The following ARHGAP25 variants were observed in gnomAD, a reference collection of about 807,000 sequenced individuals.
ARHGAP25 encodes Rho GTPase activating protein 25, also known as rho GTPase-activating protein 25.
A neutral mutation model predicts 71.0 loss-of-function variants in ARHGAP25; 34 were observed. The observed-to-expected ratio is 0.48, with a 90% CI of 0.36 to 0.64. The LOEUF (loss-of-function observed/expected upper bound fraction) is 0.64, where lower values mean the gene tolerates loss of function less well. ARHGAP25 is among the 30% of genes least tolerant of loss of function. The probability of loss-of-function intolerance (pLI) is 0.00; values close to 1 mark genes in which losing one functional copy is unlikely to be tolerated. For synonymous variants in ARHGAP25, 282 were observed against 296.5 expected, an observed-to-expected ratio of 0.95 and a Z score of 0.50; for missense variants, 706 against 805.1, an observed-to-expected ratio of 0.88 and a Z score of 1.49.
At position 68,795,099 on chromosome 2, in the gene ARHGAP25, C is replaced by T. The variant is rs532832803; in HGVS notation, c.466+7143C>T. 6.6e-5 allele frequency among the ~76,000 whole-genome samples: 10 copies of T among 152,000 alleles called. No homozygotes were observed. In the South Asian group the frequency reaches 2.1e-3, roughly 32 times the overall value. On this transcript the variant is annotated intron_variant, in intron 4 of 10. Transcript: ENST00000409202. ...TAATCTCTGATGATCTTTTGTATTTCGATGGTATTAGTTGTAATGTCTCCT... is the reference window on the plus strand; with the variant it reads ...TAATCTCTGATGATCTTTTGTATTTTGATGGTATTAGTTGTAATGTCTCCT...
chr2:68,736,518 T>C (rs1675228257), intron 1 of ARHGAP25, among the ~76,000 whole-genome samples: 1 of 152,230 alleles, frequency 6.6e-6, no homozygotes, highest in Admixed American at 6.5e-5. Context: ...TCATTCTGCC[T>C]TCTCTCCACC....
intron 1 of ARHGAP25, 66 bp downstream of exon 1, chr2:68,735,326 G>A: frequency 6.7e-7 from 1 of 1,486,272 alleles, no homozygotes; most frequent in South Asian, 1.1e-5. Context: ...TTTGCATGTT[G>A]GTCTGCAGGG....
chr2:68,733,725 GGTC>G (rs1221969544), upstream of ARHGAP25, among the ~76,000 whole-genome samples: 4 of 152,190 alleles, frequency 2.6e-5, no homozygotes, highest in Non-Finnish European at 5.9e-5. Context: ...CGGGAACCCA[GGTC>G]GTCAGTAAGA....
At chr2:68,800,547 G>A (rs1679891195) in intron 4 of ARHGAP25, among the ~76,000 whole-genome samples, 1 of 152,010 alleles carries the variant, frequency 6.6e-6, no homozygotes, top group Non-Finnish European at 1.5e-5. Flanking sequence ...GAGGGGAGGT[G>A]GGGCTGGCAT....
chr2:68,816,692 G>T, intron 7 of ARHGAP25: 1 of 226,448 alleles, frequency 4.4e-6, no homozygotes, highest in Non-Finnish European at 8.9e-6. Context: ...TTAGCTCCAG[G>T]GAGACATTCA....
intron 3 of ARHGAP25, among the ~76,000 whole-genome samples, chr2:68,786,986 G>C (rs1678800315): frequency 1.3e-5 from 2 of 152,166 alleles, no homozygotes; most frequent in Admixed American, 1.3e-4. Flanking sequence ...ATTTCCATTT[G>C]CAAGCAGGTC....
intron 2 of ARHGAP25, 137 bp downstream of exon 2, chr2:68,775,557 T>C: frequency 1.5e-6 from 2 of 1,307,504 alleles, no homozygotes; most frequent in Non-Finnish European, 2.2e-6. Context: ...TGCTTTTCCC[T>C]TTACACCATT....
chr2:68,810,280 T>G (rs1425084197), intron 5 of ARHGAP25, among the ~76,000 whole-genome samples: 5 of 152,116 alleles, frequency 3.3e-5, no homozygotes, highest in Admixed American at 3.3e-4. Context: ...AAATAAAAAT[T>G]TATAGAAATA....
rs1168078475 is a variant in ARHGAP25 at position 68,713,177 on chromosome 2, T to C, written c.-18+2479T>C. Among the ~76,000 whole-genome samples, 5 of 152,238 alleles carry C rather than the reference T, an allele frequency of 3.3e-5. No homozygotes were observed. The East Asian group carries it at 9.6e-4, about 29-fold the overall frequency. On this transcript the variant is annotated intron_variant and NMD_transcript_variant, in intron 2 of 7. Transcript: ENST00000463483. The stretch of plus-strand genomic sequence containing the variant: ...TCTTCCATTTGTTTGTGTCCTCTTT[T>C]ATTTCCTTGAGCAGTGGTTTGTAGT...
At chr2:68,727,631 T>G (rs1369830136) in intron 2 of ARHGAP25, among the ~76,000 whole-genome samples, 1 of 152,230 alleles carries the variant, frequency 6.6e-6, no homozygotes, top group Non-Finnish European at 1.5e-5. Flanking sequence ...AGTCTGTTCT[T>G]CACTCTGACC....
intron 1 of ARHGAP25, among the ~76,000 whole-genome samples, chr2:68,742,118 C>G (rs573163973): frequency 6.6e-6 from 1 of 152,144 alleles, no homozygotes; most frequent in Non-Finnish European, 1.5e-5. Context: ...CTTTCCACGC[C>G]GTACTATCCA....
chr2:68,790,013 G>T (rs1029408517), intron 4 of ARHGAP25, among the ~76,000 whole-genome samples: 1 of 152,088 alleles, frequency 6.6e-6, no homozygotes, highest in Non-Finnish European at 1.5e-5. Context: ...TTTTGAGATG[G>T]AGTCTCACTC....
intron 5 of ARHGAP25, among the ~76,000 whole-genome samples, chr2:68,810,634 G>T (rs1451558869): frequency 6.6e-6 from 1 of 151,756 alleles, no homozygotes; most frequent in Non-Finnish European, 1.5e-5. Context: ...TGCTTTTGCT[G>T]TCTAAATTTC....
chr2:68,824,468 C>T (rs371263038), intron 10 of ARHGAP25, among the ~76,000 whole-genome samples: 17 of 152,278 alleles, frequency 1.1e-4, no homozygotes, highest in Admixed American at 2.6e-4. Context: ...AATGGCCGGG[C>T]GTGGTGGCTC....
Position 68,787,892 on chromosome 2 carries a change from C to T in ARHGAP25, c.402C>T (p.Ser134=). 6.2e-7 allele frequency: 1 copy of T among 1,614,228 alleles called. No homozygotes were observed. Among genetic ancestry groups the T allele is most frequent in the Non-Finnish European group, 8.5e-7 (1 of 1,180,040 alleles). The change falls in exon 4 of 11, where the codon AGC becomes AGT. Residue 134 remains serine (S), a synonymous_variant. Coordinates refer to ENST00000409202, the MANE Select transcript of ARHGAP25 (RefSeq NM_001007231.3). ...AGGACTCCTATGTCCTCATGGCCAG[C>T]TCTCAGGCGGAGATGGAGGAGTGGG... ...MGQDSYVLMA[S]SQAEMEEWVK... is the part of the protein sequence containing the mutation.
intron 2 of ARHGAP25, among the ~76,000 whole-genome samples, chr2:68,728,212 A>G (rs1674928262): frequency 6.6e-6 from 1 of 152,246 alleles, no homozygotes; most frequent in African/African-American, 2.4e-5. Context: ...CAATAAGCAA[A>G]TGAAAAGATG....
chr2:68,821,092 CTT>C (rs34119311), intron 9 of ARHGAP25, among the ~76,000 whole-genome samples: 1,800 of 99,440 alleles, frequency 0.018, 4 homozygotes, highest in Middle Eastern at 0.089. Flanking sequence ...CTTTTTCTTT[CTT>C]TTTTTTTTTT....
intron 1 of ARHGAP25, among the ~76,000 whole-genome samples, chr2:68,756,147 A>T (rs1676468068): frequency 6.6e-6 from 1 of 152,234 alleles, no homozygotes; most frequent in Non-Finnish European, 1.5e-5. Context: ...ACTTAATTTC[A>T]GTGAGTTTCA....
intron 2 of ARHGAP25, chr2:68,775,876 A>C: frequency 2.9e-6 from 1 of 340,238 alleles, no homozygotes; most frequent in South Asian, 2.3e-5. Context: ...GCAGCTTAGA[A>C]TGTGGAGGAA....
Sources: gnomAD v4.1 joint callset for allele counts (sites outside exome capture counted in the v4.1 genomes callset) on GRCh38, gnomAD v4.1.1 for gene constraint, MANE v1.5 for transcripts, NCBI Gene and HGNC (gene_info 2026-07-23, HGNC 2026-07-21) for gene names.